Variants in PDE1C observed in about 807,000 individuals in gnomAD.
PDE1C encodes phosphodiesterase 1C.
A neutral mutation model predicts 93.1 loss-of-function variants in PDE1C; 62 were observed. That is an observed-to-expected ratio of 0.67 (90% confidence interval 0.54 to 0.82). The LOEUF is 0.82. Ranked by LOEUF, PDE1C falls within the 40% of genes least tolerant of loss-of-function variation. The pLI is 0.00. For synonymous variants in PDE1C, 325 were observed against 310.1 expected (o/e 1.05, Z -0.50); for missense variants, 742 against 884.6 (o/e 0.84, Z 2.04).
At chr7:32,144,552 T>G (rs1800719266) in intron 3 of PDE1C, among the ~76,000 whole-genome samples, 1 of 152,154 alleles carries the variant, frequency 6.6e-6, no homozygotes, top group South Asian at 2.1e-4. Context: ...ACCTATGAGC[T>G]GGAAGTAGGG....
At chr7:32,253,410 C>CA (rs1157012477) in intron 1 of PDE1C, among the ~76,000 whole-genome samples, 16 of 152,340 alleles carry the variant, frequency 1.1e-4, no homozygotes, top group African/African-American at 3.8e-4. Flanking sequence ...AATGCTCCAA[C>CA]AGCCTTACGC....
chr7:32,068,544 G>C lies in PDE1C; in HGVS notation c.101+1749C>G, dbSNP rs1795667546. On this transcript the variant is annotated intron_variant, in intron 1 of 17. Coordinates refer to ENST00000396191, the MANE Select transcript of PDE1C (RefSeq NM_001191057.4). ...CATGTTCAAAAGCACTAGGTTCTGA[G>C]TAGATACAAGAGACTAGAAAATGAA... Among the ~76,000 whole-genome samples the C allele has an allele frequency of 2.6e-5, 4 of 152,212 alleles. No individual in the cohort carries two copies. The South Asian group carries it at 8.3e-4, about 32-fold the overall frequency.
chr7:32,311,260 A>G (rs2078829999), intron 1 of PDE1C, among the ~76,000 whole-genome samples: 1 of 152,244 alleles, frequency 6.6e-6, no homozygotes, highest in Admixed American at 6.5e-5. Flanking sequence ...GGCAATAATC[A>G]ATAGCTTACC....
chr7:32,158,412 T>G (rs1344777596), intron 3 of PDE1C, among the ~76,000 whole-genome samples: 1 of 152,206 alleles, frequency 6.6e-6, no homozygotes, highest in East Asian at 1.9e-4. Flanking sequence ...GCAAATTCAC[T>G]TCTGGCTGCA....
intron 3 of PDE1C, among the ~76,000 whole-genome samples, chr7:32,164,125 G>A (rs947160165): frequency 2.6e-5 from 4 of 152,208 alleles, no homozygotes; most frequent in Non-Finnish European, 5.9e-5. Context: ...TATTGCATCA[G>A]TTGGAGCTTG....
chr7:31,824,188 G>A (rs73092410), intron 13 of PDE1C, among the ~76,000 whole-genome samples: 2,317 of 152,218 alleles, frequency 0.015, 17 homozygotes, highest in South Asian at 0.031. Context: ...GAGATTAGTA[G>A]TAGTCGTAAT....
chr7:31,972,567 T>C (rs1427564476), intron 2 of PDE1C, among the ~76,000 whole-genome samples: 1 of 152,162 alleles, frequency 6.6e-6, no homozygotes, highest in Non-Finnish European at 1.5e-5. Context: ...GAAAAAGTAA[T>C]GAGCTTCTCT....
At chr7:31,689,744 CTT>C in the PDE1C span, among the ~76,000 whole-genome samples, 1 of 152,104 alleles carries the variant, frequency 6.6e-6, no homozygotes. Context: ...TTGTTCTTTT[CTT>C]TGTGTGAAAA....
intron 1 of PDE1C, among the ~76,000 whole-genome samples, chr7:32,407,172 G>A (rs1441635749): frequency 2.0e-5 from 3 of 152,084 alleles, no homozygotes; most frequent in Non-Finnish European, 4.4e-5. Context: ...CCACTTGGGA[G>A]GCTGAGGCAA....
chr7:31,886,733 T>C (rs938154887), intron 2 of PDE1C, among the ~76,000 whole-genome samples: 1 of 129,962 alleles, frequency 7.7e-6, no homozygotes, highest in Non-Finnish European at 1.6e-5. Context: ...CGGCAGACTC[T>C]GCATGGAGAG....
intron 9 of PDE1C, among the ~76,000 whole-genome samples, chr7:31,846,185 A>G (rs879726992): frequency 6.6e-6 from 1 of 150,942 alleles, no homozygotes; most frequent in Non-Finnish European, 1.5e-5. Context: ...TTTTCCAAAC[A>G]TACGTATGCT....
chr7:32,071,036 C>T, upstream of PDE1C: 1 of 985,384 alleles, frequency 1.0e-6, no homozygotes. Context: ...TCTGTCAGCG[C>T]CCGGGCTGGT....
chr7:32,023,653 C>T (rs7802640), intron 2 of PDE1C, among the ~76,000 whole-genome samples: 27,647 of 148,574 alleles, frequency 0.19, 4,104 homozygotes, highest in African/African-American at 0.41. Flanking sequence ...AAAAAAAAAG[C>T]CAGTCTTTAA....
At chr7:32,266,276 C>T (rs933726957) in intron 1 of PDE1C, among the ~76,000 whole-genome samples, 36 of 149,906 alleles carry the variant, frequency 2.4e-4, no homozygotes, top group African/African-American at 8.6e-4. Context: ...AGCAAGACTC[C>T]GTCTCAAAAA....
At chr7:32,369,492 T>C (rs1263942185) in intron 1 of PDE1C, among the ~76,000 whole-genome samples, 1 of 152,012 alleles carries the variant, frequency 6.6e-6, no homozygotes, top group Non-Finnish European at 1.5e-5. Flanking sequence ...AAATAACAAA[T>C]GTTGACAAGG....
Position 31,753,220 on chromosome 7 carries a change from A to C in PDE1C, c.*164T>G, listed in dbSNP as rs1028967218. 3 of 843,284 alleles carry C rather than the reference A, an allele frequency of 3.6e-6. No individual in the cohort carries two copies. Among genetic ancestry groups the C allele is most frequent in the Non-Finnish European group, 5.3e-6 (3 of 564,824 alleles). 52.2% of individuals were successfully genotyped at this position (843,284 alleles called of 1,614,324 possible). A position where few individuals can be genotyped will look rare whatever the true frequency, so the allele number is the denominator to read the frequency against. On this transcript the variant is annotated 3_prime_UTR_variant, in exon 18 of 18. Transcript: ENST00000396191. ...AAAAGTCTATACAAGAACAACAAAG[A>C]GGAAAATCACATACAACTTTCATTT...
chr7:32,371,436 G>A (rs1784331691), intron 1 of PDE1C, among the ~76,000 whole-genome samples: 2 of 152,148 alleles, frequency 1.3e-5, no homozygotes, highest in Admixed American at 6.5e-5. Context: ...ATATATCCAG[G>A]TAATTAAGTA....
At chr7:32,349,608 G>A (rs1027115578) in intron 1 of PDE1C, among the ~76,000 whole-genome samples, 2 of 152,192 alleles carry the variant, frequency 1.3e-5, no homozygotes, top group African/African-American at 4.8e-5. Context: ...AGTTAGAGCT[G>A]TCTCCTATAT....
chr7:32,374,133 A>AG lies in PDE1C; in HGVS notation c.310+53688_310+53689insC, dbSNP rs1784379667. Among the ~76,000 whole-genome samples the AG allele has an allele frequency of 2.8e-5, 4 of 144,642 alleles. 1 individual carries two copies. The highest frequency in any genetic ancestry group is 2.1e-4 in the Admixed American group (3 of 14,108). 94.9% of individuals were successfully genotyped at this position (144,642 alleles called of 152,430 possible). On this transcript the variant is annotated intron_variant, in intron 1 of 1. Transcript: ENST00000672256. The stretch of plus-strand genomic sequence containing the variant: ...GAAGGAAGGAAGGAGAGAGAGAAGA[A>AG]AGAGACGAAAGAATGAAAGAAAGAA...
Sources: gnomAD v4.1 joint callset for allele counts (sites outside exome capture counted in the v4.1 genomes callset) on GRCh38, gnomAD v4.1.1 for gene constraint, MANE v1.5 for transcripts, NCBI Gene and HGNC (gene_info 2026-07-23, HGNC 2026-07-21) for gene names.